The following ASCL4 variants were observed in gnomAD, a reference collection of about 807,000 sequenced individuals.
The protein encoded by ASCL4 is achaete-scute family bHLH transcription factor 4.
In ASCL4, 1 loss-of-function variant was observed where a neutral mutation model predicts 0.3. That is an observed-to-expected ratio of 3.35 (90% confidence interval 1.19 to 15.89). The LOEUF is 15.89. ASCL4 is among the 30% of genes most tolerant of loss of function. The pLI is 0.12. For synonymous variants in ASCL4, 137 were observed against 119.5 expected (o/e 1.15, Z -0.96); for missense variants, 330 against 256.9 (o/e 1.28, Z -1.94).
In ASCL4 at chr12:107,775,733, G is replaced by A. The variant is rs867752596; in HGVS notation, c.515G>A (p.Ser172Asn). 7.0e-7 allele frequency: 1 copy of A among 1,434,298 alleles called. No individual in the cohort carries two copies. The allele number at this position is 1,434,298 out of a possible 1,614,324, so 88.8% of individuals were successfully genotyped here. A position where few individuals can be genotyped will look rare whatever the true frequency, so the allele number is the denominator to read the frequency against. The change falls in exon 1 of 1, where the codon AGC (serine) becomes AAC (asparagine). Residue 172 changes from serine (S) to asparagine (N), a missense_variant. Transcript: ENST00000342331. The stretch of plus-strand genomic sequence containing the variant: ...AGCAGCGAGCCCGAGGAGGGGGGCA[G>A]CTAGCGAGCGCCCGAACTGGCCAGG... ...SPSSEPEEGG[S>N]
chr12:107,775,262 C>G lies in ASCL4; in HGVS notation c.44C>G (p.Ser15Trp). 3 of 1,612,894 alleles carry G rather than the reference C, an allele frequency of 1.9e-6. No homozygotes were observed. The highest frequency in any genetic ancestry group is 1.7e-6 in the Non-Finnish European group (2 of 1,179,502). The change falls in exon 1 of 1, where the codon TCG (serine) becomes TGG (tryptophan). Residue 15 changes from serine (S) to tryptophan (W), a missense_variant. Coordinates refer to ENST00000342331, the MANE Select transcript of ASCL4 (RefSeq NM_203436.3). ...KPAERLALPYSLRTAPLGVPG... is the reference protein window; with the variant it reads ...KPAERLALPYWLRTAPLGVPG... ...GCGGAACGGCTGGCCTTGCCATACT[C>G]GCTGCGCACCGCGCCCCTGGGCGTT...
chr12:107,775,557 G>C lies in ASCL4; in HGVS notation c.339G>C (p.Thr113=), dbSNP rs745807831. 9.5e-6 allele frequency: 15 copies of C among 1,577,220 alleles called. No individual in the cohort carries two copies. The highest frequency in any genetic ancestry group is 1.3e-5 in the Non-Finnish European group (15 of 1,170,168). ...LADKRLSKVE[T]LRAAIDYIKH... is the part of the protein sequence containing the mutation. ...ACAAGCGCCTCAGCAAAGTGGAGAC[G>C]CTCCGCGCTGCCATCGACTACATCA... Residue 113 remains threonine, a synonymous_variant, in exon 1 of 1, where the codon ACG becomes ACC. Coordinates refer to ENST00000342331, the MANE Select transcript of ASCL4 (RefSeq NM_203436.3).
chr12:107,775,246 C>T lies in ASCL4; in HGVS notation c.28C>T (p.Leu10=). 2 of 1,612,426 alleles carry T rather than the reference C, an allele frequency of 1.2e-6. No homozygotes were observed. The highest frequency in any genetic ancestry group is 1.7e-6 in the Non-Finnish European group (2 of 1,179,258). Residue 10 remains leucine (L), a synonymous_variant, in exon 1 of 1, where the codon CTG becomes TTG. Transcript: ENST00000342331. METRKPAER[L]ALPYSLRTAP... is the part of the protein sequence containing the mutation. ...GGAGACGCGTAAACCGGCGGAACGG[C>T]TGGCCTTGCCATACTCGCTGCGCAC... is the stretch of plus-strand genomic sequence containing the variant.
chr12:107,775,909 T>A lies in ASCL4; in HGVS notation c.*172T>A, dbSNP rs1891456959. The A allele has an allele frequency of 2.5e-6, 2 of 786,996 alleles. No individual in the cohort carries two copies. Among genetic ancestry groups the A allele is most frequent in the Non-Finnish European group, 3.6e-6 (2 of 556,264 alleles). The allele number at this position is 786,996 out of a possible 1,614,324, so 48.8% of individuals were successfully genotyped here. A position where few individuals can be genotyped will look rare whatever the true frequency, so the allele number is the denominator to read the frequency against. ...GGGTTTGGGGGATGGGGGAGTTGTTTTGACATTTGGGAATTTCTCCCCTGC... is the reference window on the plus strand; with the variant it reads ...GGGTTTGGGGGATGGGGGAGTTGTTATGACATTTGGGAATTTCTCCCCTGC... On this transcript the variant is annotated 3_prime_UTR_variant, in exon 1 of 1. Coordinates refer to ENST00000342331, the MANE Select transcript of ASCL4 (RefSeq NM_203436.3).
Position 107,775,836 on chromosome 12 carries a change from C to A in ASCL4, c.*99C>A. On this transcript the variant is annotated 3_prime_UTR_variant, in exon 1 of 1. Transcript: ENST00000342331. ...TTCGAAGGTGGTTTGCATTCTTAATCTGGCATCTTCTCCAGGCCTAAATCT... is the reference window on the plus strand; with the variant it reads ...TTCGAAGGTGGTTTGCATTCTTAATATGGCATCTTCTCCAGGCCTAAATCT... 1 of 1,272,614 alleles carries A rather than the reference C, an allele frequency of 7.9e-7. No homozygotes were observed. The highest frequency in any genetic ancestry group is 2.2e-5 in the South Asian group (1 of 44,756). 78.8% of individuals were successfully genotyped at this position (1,272,614 alleles called of 1,614,324 possible). A position where few individuals can be genotyped will look rare whatever the true frequency, so the allele number is the denominator to read the frequency against.
At position 107,775,321 on chromosome 12, in the gene ASCL4, C is replaced by G. The variant is rs762759126; in HGVS notation, c.103C>G (p.Pro35Ala). The G allele has an allele frequency of 2.5e-6, 4 of 1,611,024 alleles. No individual in the cohort carries two copies. In the African/African-American group the frequency reaches 5.4e-5, roughly 22 times the overall value. The change falls in exon 1 of 1, where the codon CCC becomes GCC. Residue 35 changes from proline to alanine, a missense_variant. Transcript: ENST00000342331. ...CCTGCCCGGACTCCCGCGGAGGGACCCCCTCAGGGTCGCCCTGCGTCTGGA... is the reference window on the plus strand; with the variant it reads ...CCTGCCCGGACTCCCGCGGAGGGACGCCCTCAGGGTCGCCCTGCGTCTGGA... ...GTLPGLPRRD[P>A]LRVALRLDAA...
In ASCL4 at chr12:107,775,852, G is replaced by A. The variant is rs1593185535; in HGVS notation, c.*115G>A. On this transcript the variant is annotated 3_prime_UTR_variant, in exon 1 of 1. Transcript: ENST00000342331. ...ATTCTTAATCTGGCATCTTCTCCAG[G>A]CCTAAATCTTAAGAAAAAGAAATGG... 1 of 1,216,268 alleles carries A rather than the reference G, an allele frequency of 8.2e-7. No homozygotes were observed. The highest frequency in any genetic ancestry group is 1.1e-6 in the Non-Finnish European group (1 of 934,816). The allele number at this position is 1,216,268 out of a possible 1,614,324, so 75.3% of individuals were successfully genotyped here.
Position 107,775,198 on chromosome 12 carries a change from T to C in ASCL4, c.-21T>C. 6.2e-7 allele frequency: 1 copy of C among 1,607,634 alleles called. No homozygotes were observed. ...TTGAGAGATTGACCTCTTGAGTGAT[T>C]TGTGTGCTTTCCGGCAAATGATGGA... On this transcript the variant is annotated 5_prime_UTR_variant, in exon 1 of 1. Transcript: ENST00000342331.
rs1334068624 is a variant in ASCL4, at chr12:107,775,983, C to G, written c.*246C>G. The G allele has an allele frequency of 2.7e-5, 11 of 409,788 alleles. No individual in the cohort carries two copies. The highest frequency in any genetic ancestry group is 4.8e-5 in the Non-Finnish European group (11 of 227,618). 25.4% of individuals were successfully genotyped at this position (409,788 alleles called of 1,614,324 possible). On this transcript the variant is annotated 3_prime_UTR_variant, in exon 1 of 1. Transcript: ENST00000342331. ...CTTATAGGTGCTTATTAAGGAGACT[C>G]TTTTCCTATACTTCTAAAATGCAAA... is the stretch of plus-strand genomic sequence containing the variant.
At position 107,775,353 on chromosome 12, in the gene ASCL4, G is replaced by T. The variant is rs1223755193; in HGVS notation, c.135G>T (p.Ala45=). 1 of 1,607,582 alleles carries T rather than the reference G, an allele frequency of 6.2e-7. No individual in the cohort carries two copies. Among genetic ancestry groups the T allele is most frequent in the African/African-American group, 1.3e-5 (1 of 74,550 alleles). The change falls in exon 1 of 1, where the codon GCG becomes GCT. Residue 45 remains alanine, a synonymous_variant. Coordinates refer to ENST00000342331, the MANE Select transcript of ASCL4 (RefSeq NM_203436.3). The stretch of plus-strand genomic sequence containing the variant: ...GGGTCGCCCTGCGTCTGGACGCCGC[G>T]TGCTGGGAGTGGGCGCGCAGCGGCT... ...PLRVALRLDA[A]CWEWARSGCA... is the part of the protein sequence containing the mutation.
Position 107,774,969 on chromosome 12 carries a change from A to G in ASCL4, c.-250A>G. ...CGGGGTTTGAAGTGTGGATTAGGAG[A>G]TCCTACGTCTTTGCCTACCACCTCT... On this transcript the variant is annotated 5_prime_UTR_variant, in exon 1 of 1. Transcript: ENST00000342331. The G allele has an allele frequency of 1.9e-6, 1 of 522,026 alleles. No homozygotes were observed. 32.3% of individuals were successfully genotyped at this position (522,026 alleles called of 1,614,324 possible). A position where few individuals can be genotyped will look rare whatever the true frequency, so the allele number is the denominator to read the frequency against.
rs929926980 is a variant in ASCL4 at position 107,775,029 on chromosome 12, A to G, written c.-190A>G. ...ATAAAAAGATCGAGGAGTGCAATGA[A>G]CTTCAGGAATCATGCACCGTTTCCC... On this transcript the variant is annotated 5_prime_UTR_variant, in exon 1 of 1. Transcript: ENST00000342331. The G allele has an allele frequency of 1.1e-5, 7 of 653,376 alleles. No individual in the cohort carries two copies. In the Admixed American group the frequency reaches 1.3e-4, roughly 13 times the overall value. 40.5% of individuals were successfully genotyped at this position (653,376 alleles called of 1,614,324 possible).
At position 107,774,940 on chromosome 12, in the gene ASCL4, A is replaced by C; in HGVS notation, c.-279A>C. ...ATCTTCTGAAAGAAGATCAGTGGGG[A>C]AGACGGGGTTTGAAGTGTGGATTAG... On this transcript the variant is annotated 5_prime_UTR_variant, in exon 1 of 1. Coordinates refer to ENST00000342331, the MANE Select transcript of ASCL4 (RefSeq NM_203436.3). 1 of 457,460 alleles carries C rather than the reference A, an allele frequency of 2.2e-6. No homozygotes were observed. The highest frequency in any genetic ancestry group is 3.8e-6 in the Non-Finnish European group (1 of 260,832). 28.3% of individuals were successfully genotyped at this position (457,460 alleles called of 1,614,324 possible).
chr12:107,775,667 A>G lies in ASCL4; in HGVS notation c.449A>G (p.Asn150Ser), dbSNP rs1593185404. ...GTCCCCCAGCGCAGGGCGGAATGCA[A>G]CAGCGACGGGGAGTCCAAGGCCTCT... ...GAVPQRRAEC[N>S]SDGESKASSA... is the part of the protein sequence containing the mutation. The change falls in exon 1 of 1, where the codon AAC becomes AGC. Residue 150 changes from asparagine to serine, a missense_variant. Asn to Ser is a conservative substitution (Grantham distance 46). Coordinates refer to ENST00000342331, the MANE Select transcript of ASCL4 (RefSeq NM_203436.3). 1.3e-6 allele frequency: 2 copies of G among 1,528,898 alleles called. No homozygotes were observed. The highest frequency in any genetic ancestry group is 2.4e-5 in the East Asian group (1 of 41,776). The allele number at this position is 1,528,898 out of a possible 1,614,324, so 94.7% of individuals were successfully genotyped here. A position where few individuals can be genotyped will look rare whatever the true frequency, so the allele number is the denominator to read the frequency against.
chr12:107,775,572 C>T lies in ASCL4; in HGVS notation c.354C>T (p.Ile118=). ...AAGTGGAGACGCTCCGCGCTGCCAT[C>T]GACTACATCAAGCACCTGCAGGAGC... ...LSKVETLRAA[I]DYIKHLQELL... is the part of the protein sequence containing the mutation. Residue 118 remains isoleucine (I), a synonymous_variant, in exon 1 of 1, where the codon ATC becomes ATT. Coordinates refer to ENST00000342331, the MANE Select transcript of ASCL4 (RefSeq NM_203436.3). 6.3e-7 allele frequency: 1 copy of T among 1,580,740 alleles called. No homozygotes were observed. The highest frequency in any genetic ancestry group is 8.5e-7 in the Non-Finnish European group (1 of 1,171,998).
chr12:107,775,920 G>T lies in ASCL4; in HGVS notation c.*183G>T, dbSNP rs955989544. On this transcript the variant is annotated 3_prime_UTR_variant, in exon 1 of 1. Transcript: ENST00000342331. ...ATGGGGGAGTTGTTTTGACATTTGGGAATTTCTCCCCTGCCCTTATTGGTT... is the reference window on the plus strand; with the variant it reads ...ATGGGGGAGTTGTTTTGACATTTGGTAATTTCTCCCCTGCCCTTATTGGTT... 2.1e-5 allele frequency: 14 copies of T among 677,960 alleles called. No individual in the cohort carries two copies. The Admixed American group carries it at 2.1e-4, about 10-fold the overall frequency. 42.0% of individuals were successfully genotyped at this position (677,960 alleles called of 1,614,324 possible). A position where few individuals can be genotyped will look rare whatever the true frequency, so the allele number is the denominator to read the frequency against.
Position 107,775,320 on chromosome 12 carries a change from C to G in ASCL4, c.102C>G (p.Asp34Glu). 4 of 1,611,222 alleles carry G rather than the reference C, an allele frequency of 2.5e-6. No homozygotes were observed. The South Asian group carries it at 4.4e-5, about 18-fold the overall frequency. Residue 34 changes from aspartate (D) to glutamate (E), a missense_variant, in exon 1 of 1, where the codon GAC becomes GAG. Coordinates refer to ENST00000342331, the MANE Select transcript of ASCL4 (RefSeq NM_203436.3). The stretch of plus-strand genomic sequence containing the variant: ...CCCTGCCCGGACTCCCGCGGAGGGA[C>G]CCCCTCAGGGTCGCCCTGCGTCTGG... ...PGTLPGLPRR[D>E]PLRVALRLDA...
chr12:107,775,721 A>T lies in ASCL4; in HGVS notation c.503A>T (p.Glu168Val), dbSNP rs1198691403. The T allele has an allele frequency of 6.9e-7, 1 of 1,448,432 alleles. No homozygotes were observed. Among genetic ancestry groups the T allele is most frequent in the Non-Finnish European group, 9.0e-7 (1 of 1,110,582 alleles). The allele number at this position is 1,448,432 out of a possible 1,614,324, so 89.7% of individuals were successfully genotyped here. ...SSAPSPSSEP[E>V]EGGS is the part of the protein sequence containing the mutation. ...GCGCCTTCGCCCAGCAGCGAGCCCG[A>T]GGAGGGGGGCAGCTAGCGAGCGCCC... The change falls in exon 1 of 1, where the codon GAG becomes GTG. Residue 168 changes from glutamate (E) to valine (V), a missense_variant. Glu to Val is a moderately radical substitution (Grantham distance 121, BLOSUM62 -2). Transcript: ENST00000342331.
Position 107,776,563 on chromosome 12 carries a change from C to A in ASCL4, c.*826C>A, listed in dbSNP as rs1370540493. On this transcript the variant is annotated 3_prime_UTR_variant, in exon 1 of 1. Transcript: ENST00000342331. ...CTTTTCTCTGCATACCCCCCGCCCC[C>A]CAACGTGTAGCTCTCCATCTAAGTT... 1 of 167,076 alleles carries A rather than the reference C, an allele frequency of 6.0e-6. No homozygotes were observed. Among genetic ancestry groups the A allele is most frequent in the Non-Finnish European group, 1.5e-5 (1 of 68,184 alleles). The allele number at this position is 167,076 out of a possible 1,614,324, so 10.3% of individuals were successfully genotyped here. A position where few individuals can be genotyped will look rare whatever the true frequency, so the allele number is the denominator to read the frequency against.
Sources: allele counts gnomAD v4.1 joint callset, GRCh38; gene constraint gnomAD v4.1.1; transcripts MANE v1.5; gene names NCBI Gene and HGNC (gene_info 2026-07-23, HGNC 2026-07-21).